Variants in HM13 observed in about 807,000 individuals in gnomAD.
The protein encoded by HM13 is histocompatibility minor 13.
In HM13, 18 loss-of-function variants were observed where a neutral mutation model predicts 50.0. The ratio of observed to expected loss-of-function variants is 0.36; its 90% confidence interval spans 0.25 to 0.53. The LOEUF (loss-of-function observed/expected upper bound fraction) is 0.53, where lower values mean the gene tolerates loss of function less well. Ranked by LOEUF, HM13 falls within the 20% of genes least tolerant of loss-of-function variation. The probability of loss-of-function intolerance (pLI) is 0.90; values close to 1 mark genes in which losing one functional copy is unlikely to be tolerated. For missense variants in HM13, 393 were observed against 552.4 expected, an observed-to-expected ratio of 0.71 and a Z score of 2.89; for synonymous variants, 197 against 232.6, an observed-to-expected ratio of 0.85 and a Z score of 1.39.
intron 10 of HM13, among the ~76,000 whole-genome samples, chr20:31,562,010 C>T (rs1314209291): frequency 6.6e-6 from 1 of 152,196 alleles, no homozygotes; most frequent in East Asian, 1.9e-4. Context: ...TTCCCAGAAC[C>T]CTTTCAGCAT....
chr20:31,559,286 C>T (rs1568798586), intron 8 of HM13, among the ~76,000 whole-genome samples: 1 of 152,166 alleles, frequency 6.6e-6, no homozygotes, highest in African/African-American at 2.4e-5. Context: ...GTGGGAGCAG[C>T]GATTTTGCCT....
chr20:31,518,091 A>C (rs1981911232), intron 1 of HM13, among the ~76,000 whole-genome samples: 1 of 150,258 alleles, frequency 6.7e-6, no homozygotes, highest in African/African-American at 2.4e-5. Flanking sequence ...GCTGGAGTGC[A>C]ATGGCGTGAT....
At chr20:31,566,142 G>GGTGCTGGGCACGGCCCTGAGGCA in intron 10 of HM13, 68 bp from the exon 11 acceptor site, 4 of 1,183,918 alleles carry the variant, frequency 3.4e-6, no homozygotes, top group East Asian at 4.7e-5. Context: ...AGGGGTTTGG[G>GGTGCTGGGCACGGCCCTGAGGCA]GTGCTGGGCA....
intron 1 of HM13, among the ~76,000 whole-genome samples, chr20:31,515,525 A>G (rs1798339055): frequency 6.6e-6 from 1 of 152,084 alleles, no homozygotes; most frequent in African/African-American, 2.4e-5. Flanking sequence ...TTTCCCACCC[A>G]GCCTTTGACC....
In HM13 at chr20:31,554,934, A is replaced by G. The variant is rs972211786; in HGVS notation, c.808+105A>G. 4 of 999,930 alleles carry G rather than the reference A, an allele frequency of 4.0e-6. No homozygotes were observed. In the African/African-American group the frequency reaches 6.4e-5, roughly 16 times the overall value. The allele number at this position is 999,930 out of a possible 1,614,324, so 61.9% of individuals were successfully genotyped here. Reference sequence around the variant, plus strand: ...CAGGCTTACCAGCTGAGAAAGAGAAAAGGTAAGGCTGGATCAGGCCAGGGA... The same window carrying G: ...CAGGCTTACCAGCTGAGAAAGAGAAGAGGTAAGGCTGGATCAGGCCAGGGA... On this transcript the variant is annotated intron_variant, in intron 8 of 12. Transcript: ENST00000398174.
Position 31,523,042 on chromosome 20 carries a change from T to TGGG in HM13, c.184-4442_184-4441insGGG, listed in dbSNP as rs1568779700. Reference sequence around the variant, plus strand: ...TATAATAGCCTGTTTGGGGTTTTTTTTGGGAGGGGGGCTTTTTTTTTTTTA... The same window carrying TGGG: ...TATAATAGCCTGTTTGGGGTTTTTTTGGGTGGGAGGGGGGCTTTTTTTTTTTTA... On this transcript the variant is annotated intron_variant, in intron 1 of 12. Coordinates refer to ENST00000398174, the MANE Select transcript of HM13 (RefSeq NM_178581.3). 2.2e-3 allele frequency among the ~76,000 whole-genome samples: 251 copies of TGGG among 116,396 alleles called. 2 individuals carry two copies. Among genetic ancestry groups the TGGG allele is most frequent in the African/African-American group, 0.012 (244 of 20,762 alleles). The allele number at this position is 116,396 out of a possible 152,430, so 76.4% of individuals were successfully genotyped here.
intron 2 of HM13, among the ~76,000 whole-genome samples, chr20:31,531,576 TTTG>T (rs1183178497): frequency 3.3e-5 from 5 of 152,006 alleles, no homozygotes; most frequent in African/African-American, 7.2e-5. Context: ...ATCCTCTTTT[TTTG>T]TTGTTTTTTG....
At chr20:31,551,770 G>A (rs982813890) in intron 7 of HM13, among the ~76,000 whole-genome samples, 3 of 152,194 alleles carry the variant, frequency 2.0e-5, no homozygotes, top group African/African-American at 7.2e-5. Flanking sequence ...AGGGGATCAA[G>A]AAACAGCTGT....
At chr20:31,521,589 C>A (rs978680202) in intron 1 of HM13, among the ~76,000 whole-genome samples, 14 of 151,830 alleles carry the variant, frequency 9.2e-5, no homozygotes, top group Admixed American at 4.6e-4. Flanking sequence ...ATTAGCTGGG[C>A]GTGGTGGTAC....
intron 3 of HM13, chr20:31,539,002 T>A: frequency 1.1e-6 from 1 of 878,982 alleles, no homozygotes; most frequent in Middle Eastern, 5.9e-4. Flanking sequence ...TTTGCTAGGA[T>A]CACACCACTA....
chr20:31,561,212 G>A (rs960233090), intron 9 of HM13, among the ~76,000 whole-genome samples: 2 of 152,212 alleles, frequency 1.3e-5, no homozygotes, highest in Non-Finnish European at 1.5e-5. Flanking sequence ...ATTCACCTCA[G>A]ATGTTTTTTT....
intron 1 of HM13, among the ~76,000 whole-genome samples, chr20:31,526,261 C>T (rs970138642): frequency 3.3e-5 from 5 of 151,612 alleles, no homozygotes; most frequent in East Asian, 1.9e-4. Flanking sequence ...TGGGTTCAAG[C>T]GATTCTCCTG....
chr20:31,518,856 C>CAT (rs1360057606), intron 1 of HM13, among the ~76,000 whole-genome samples: 91 of 151,218 alleles, frequency 6.0e-4, no homozygotes, highest in East Asian at 1.6e-3. Flanking sequence ...AAAATATATA[C>CAT]ATATATATAT....
In HM13 at chr20:31,560,089, A is replaced by G. The variant is rs1269603365; in HGVS notation, c.845+442A>G. Reference sequence around the variant, plus strand: ...TTTATCAGCCTAGCGTCAGGTCACCATGTCTCAGCTGCTCTAGCTGTTCCC... The same window carrying G: ...TTTATCAGCCTAGCGTCAGGTCACCGTGTCTCAGCTGCTCTAGCTGTTCCC... On this transcript the variant is annotated intron_variant, in intron 9 of 12. Transcript: ENST00000398174. Among the ~76,000 whole-genome samples, 5 of 152,340 alleles carry G rather than the reference A, an allele frequency of 3.3e-5. No individual in the cohort carries two copies. The East Asian group carries it at 9.6e-4, about 29-fold the overall frequency.
chr20:31,530,252 A>G lies in HM13; in HGVS notation c.282+2670A>G, dbSNP rs149093497. Reference sequence around the variant, plus strand: ...AATATTTTTTTCAACCTAAAGTACAAATGAACCATAATCCTCTCCCCAATA... The same window carrying G: ...AATATTTTTTTCAACCTAAAGTACAGATGAACCATAATCCTCTCCCCAATA... On this transcript the variant is annotated intron_variant, in intron 2 of 12. Transcript: ENST00000398174. 7.9e-5 allele frequency among the ~76,000 whole-genome samples: 12 copies of G among 152,258 alleles called. No homozygotes were observed. The East Asian group carries it at 1.7e-3, about 22-fold the overall frequency.
intron 3 of HM13, among the ~76,000 whole-genome samples, chr20:31,543,811 A>G (rs1983577344): frequency 2.0e-5 from 3 of 151,840 alleles, no homozygotes; most frequent in South Asian, 4.2e-4. Flanking sequence ...GCGGGTGCCT[A>G]TAGTCCCAGC....
In HM13 at chr20:31,569,282, C is replaced by A; in HGVS notation, c.*63C>A. ...CAGATGGGGGCTGGGCCCACACAGGCGTGCACCGGTAGAGGGCACAGGAGG... is the reference window on the plus strand; with the variant it reads ...CAGATGGGGGCTGGGCCCACACAGGAGTGCACCGGTAGAGGGCACAGGAGG... On this transcript the variant is annotated 3_prime_UTR_variant, in exon 13 of 13. Transcript: ENST00000398174. 1 of 1,185,132 alleles carries A rather than the reference C, an allele frequency of 8.4e-7. No homozygotes were observed. Among genetic ancestry groups the A allele is most frequent in the Non-Finnish European group, 1.2e-6 (1 of 818,462 alleles). The allele number at this position is 1,185,132 out of a possible 1,614,324, so 73.4% of individuals were successfully genotyped here.
chr20:31,539,138 G>T, intron 3 of HM13: 4 of 985,394 alleles, frequency 4.1e-6, no homozygotes, highest in Non-Finnish European at 4.8e-6. Flanking sequence ...TCATTAGAGG[G>T]GGTTGCTACT....
intron 9 of HM13, among the ~76,000 whole-genome samples, chr20:31,560,531 C>T (rs928903588): frequency 6.6e-6 from 1 of 152,194 alleles, no homozygotes; most frequent in Non-Finnish European, 1.5e-5. Context: ...AGCATATGGG[C>T]TCACAGTCAC....
Sources: gnomAD v4.1 joint callset for allele counts (sites outside exome capture counted in the v4.1 genomes callset) on GRCh38, gnomAD v4.1.1 for gene constraint, MANE v1.5 for transcripts, NCBI Gene and HGNC (gene_info 2026-07-23, HGNC 2026-07-21) for gene names.